The following PHF24 variants were observed in gnomAD, a reference collection of about 807,000 sequenced individuals.
The protein encoded by PHF24 is PHD finger protein 24, also known as Galpha inhibitory interacting protein.
In PHF24, 25 loss-of-function variants were observed where a neutral mutation model predicts 42.6. The observed-to-expected ratio is 0.59, with a 90% CI of 0.43 to 0.82. The LOEUF (loss-of-function observed/expected upper bound fraction) is 0.82. Ranked by LOEUF, PHF24 falls within the 40% of genes least tolerant of loss-of-function variation. The probability of loss-of-function intolerance (pLI) is 0.00; values close to 1 mark genes in which losing one functional copy is unlikely to be tolerated. For synonymous variants in PHF24, 185 were observed against 204.8 expected, an observed-to-expected ratio of 0.90 and a Z score of 0.83; for missense variants, 470 against 538.1, an observed-to-expected ratio of 0.87 and a Z score of 1.25.
At chr9:34,832,448 G>A in the PHF24 span, 2 of 1,444,428 alleles carry the variant, frequency 1.4e-6, no homozygotes. Context: ...AGAAAGCTGG[G>A]CCCATCAGCT....
the PHF24 span, among the ~76,000 whole-genome samples, chr9:34,928,905 T>C: frequency 6.6e-6 from 1 of 152,220 alleles, no homozygotes; most frequent in South Asian, 2.1e-4. Context: ...AGGAGTCCCT[T>C]GGTCTTGCAG....
At chr9:34,725,735 G>T in the PHF24 span, 1 of 1,548,758 alleles carries the variant, frequency 6.5e-7, no homozygotes, top group Admixed American at 2.0e-5. Context: ...TTGATGGTCA[G>T]ATGGAGACAT....
chr9:34,879,371 T>G, the PHF24 span, among the ~76,000 whole-genome samples: 1 of 152,072 alleles, frequency 6.6e-6, no homozygotes, highest in Non-Finnish European at 1.5e-5. Flanking sequence ...CTTTGATGAG[T>G]TGAGAGAAGA....
the PHF24 span, among the ~76,000 whole-genome samples, chr9:34,788,794 G>C: frequency 6.6e-6 from 1 of 152,110 alleles, no homozygotes; most frequent in African/African-American, 2.4e-5. Flanking sequence ...TGCATACTAG[G>C]TATGAGCAGA....
exon 6 of PHF24, chr9:34,977,198 C>T (rs1158709003): frequency 6.2e-7 from 1 of 1,613,222 alleles, no homozygotes; most frequent in Non-Finnish European, 8.5e-7. Context: ...GCCCAGCACT[C>T]TTGGTTTTGC....
chr9:34,948,664 G>A, the PHF24 span, among the ~76,000 whole-genome samples: 1 of 152,142 alleles, frequency 6.6e-6, no homozygotes, highest in African/African-American at 2.4e-5. Flanking sequence ...ATATCACCTA[G>A]GTTTGTGTAG....
At chr9:34,895,522 G>A in the PHF24 span, 1 of 398,326 alleles carries the variant, frequency 2.5e-6, no homozygotes, top group Non-Finnish European at 4.4e-6. Flanking sequence ...AGAAAGCTCG[G>A]GGATAAAATC....
At chr9:34,806,458 T>G in the PHF24 span, among the ~76,000 whole-genome samples, 1 of 152,238 alleles carries the variant, frequency 6.6e-6, no homozygotes, top group Non-Finnish European at 1.5e-5. Flanking sequence ...TTGGGGTTTT[T>G]TGTGTGTGTG....
chr9:34,874,850 T>G, the PHF24 span, among the ~76,000 whole-genome samples: 6 of 152,116 alleles, frequency 3.9e-5, no homozygotes, highest in African/African-American at 1.4e-4. Flanking sequence ...GTGTATATAT[T>G]TAAGGGGTAC....
chr9:34,977,497 C>A, intron 6 of PHF24, 49 bp from the exon 7 acceptor site: 1 of 1,529,524 alleles, frequency 6.5e-7, no homozygotes, highest in Non-Finnish European at 8.9e-7. Context: ...TGGGAGGGGG[C>A]AGGCATTTCA....
chr9:34,865,917 A>AAAG, the PHF24 span, among the ~76,000 whole-genome samples: 1 of 152,242 alleles, frequency 6.6e-6, no homozygotes, highest in South Asian at 2.1e-4. Flanking sequence ...CTGCTTCATA[A>AAAG]AAGTGTGAAC....
the PHF24 span, among the ~76,000 whole-genome samples, chr9:34,761,803 G>C: frequency 3.9e-5 from 6 of 151,904 alleles, no homozygotes; most frequent in East Asian, 1.9e-4. Context: ...CCATTAACTC[G>C]TCATTTAGCA....
At chr9:34,790,449 T>A in the PHF24 span, among the ~76,000 whole-genome samples, 24 of 152,264 alleles carry the variant, frequency 1.6e-4, no homozygotes, top group East Asian at 3.9e-4. Flanking sequence ...TTAAAAAAAA[T>A]GACTCCATTT....
At chr9:34,767,105 GC>G in the PHF24 span, among the ~76,000 whole-genome samples, 2 of 152,192 alleles carry the variant, frequency 1.3e-5, no homozygotes, top group Non-Finnish European at 2.9e-5. Flanking sequence ...GTGTCAGTCT[GC>G]CCCTACTGGG....
chr9:34,907,473 A>C, the PHF24 span, among the ~76,000 whole-genome samples: 7 of 152,128 alleles, frequency 4.6e-5, no homozygotes, highest in Non-Finnish European at 8.8e-5. Context: ...ATTTTCATAG[A>C]CCCTTCTAAA....
the PHF24 span, among the ~76,000 whole-genome samples, chr9:34,849,256 C>T: frequency 6.6e-6 from 1 of 151,920 alleles, no homozygotes; most frequent in Admixed American, 6.6e-5. Context: ...GTAGGTCACT[C>T]AGGACTTGCT....
At chr9:34,933,763 C>T in the PHF24 span, among the ~76,000 whole-genome samples, 3 of 150,482 alleles carry the variant, frequency 2.0e-5, no homozygotes, top group African/African-American at 7.3e-5. Flanking sequence ...ATGGAGGCAA[C>T]TGAAGTTAGA....
chr9:34,957,904 T>G (rs1402945905), upstream of PHF24, among the ~76,000 whole-genome samples: 2 of 148,644 alleles, frequency 1.3e-5, no homozygotes, highest in Admixed American at 1.3e-4. Context: ...CCGGGCCGCC[T>G]CCTCCGGGCG....
At chr9:34,837,501 G>A in the PHF24 span, 1 of 606,308 alleles carries the variant, frequency 1.6e-6, no homozygotes, top group Non-Finnish European at 3.0e-6. Context: ...ACGTTTCCAA[G>A]GTAAGATTTC....
Sources: allele counts gnomAD v4.1 joint callset (sites outside exome capture counted in the v4.1 genomes callset), GRCh38; gene constraint gnomAD v4.1.1; transcripts MANE v1.5; gene names NCBI Gene and HGNC (gene_info 2026-07-23, HGNC 2026-07-21).